Variants in RAB38 observed in about 807,000 individuals in gnomAD.
RAB38 encodes the protein RAB38, member RAS oncogene family.
In RAB38, 15 loss-of-function variants were observed where a neutral mutation model predicts 18.4. The ratio of observed to expected loss-of-function variants is 0.82; its 90% confidence interval spans 0.55 to 1.26. The LOEUF (loss-of-function observed/expected upper bound fraction) is 1.26. Ranked by LOEUF, RAB38 falls within the 50% of genes most tolerant of loss-of-function variation. RAB38 has a pLI of 0.00. For missense variants in RAB38, 294 were observed against 267.4 expected (o/e 1.10, Z -0.69); for synonymous variants, 101 against 104.4 (o/e 0.97, Z 0.20).
intron 1 of RAB38, among the ~76,000 whole-genome samples, chr11:88,155,780 G>A (rs991779574): frequency 3.3e-5 from 5 of 152,100 alleles, no homozygotes; most frequent in Non-Finnish European, 7.4e-5. Context: ...GAAAAGAAAC[G>A]TCTAAAGCAG....
chr11:88,038,680 C>G, the RAB38 span, among the ~76,000 whole-genome samples: 1 of 152,096 alleles, frequency 6.6e-6, no homozygotes, highest in Non-Finnish European at 1.5e-5. Context: ...TTCATACTAC[C>G]TTTCACCCAA....
At chr11:88,095,335 C>T in the RAB38 span, among the ~76,000 whole-genome samples, 1 of 151,842 alleles carries the variant, frequency 6.6e-6, no homozygotes, top group Non-Finnish European at 1.5e-5. Flanking sequence ...TACTGAAACT[C>T]TTCTGTCATA....
the RAB38 span, among the ~76,000 whole-genome samples, chr11:87,831,953 G>A: frequency 6.6e-6 from 1 of 152,288 alleles, no homozygotes; most frequent in African/African-American, 2.4e-5. Context: ...CCTGGAGGAT[G>A]TAATAGCTAT....
chr11:88,141,234 C>T (rs2134812635), intron 2 of RAB38, among the ~76,000 whole-genome samples: 1 of 152,202 alleles, frequency 6.6e-6, no homozygotes, highest in South Asian at 2.1e-4. Flanking sequence ...ATTGTGGTCT[C>T]AGTGGGGAGT....
intron 1 of RAB38, among the ~76,000 whole-genome samples, chr11:88,152,976 G>T (rs906168218): frequency 6.6e-6 from 1 of 152,220 alleles, no homozygotes; most frequent in Admixed American, 6.5e-5. Flanking sequence ...TAAACTCATA[G>T]CAGTGTAGAT....
the RAB38 span, among the ~76,000 whole-genome samples, chr11:87,950,715 C>T: frequency 6.6e-6 from 1 of 152,164 alleles, no homozygotes; most frequent in African/African-American, 2.4e-5. Flanking sequence ...ATATTGGCCC[C>T]CACTCTCTTC....
At chr11:87,927,762 T>C in the RAB38 span, among the ~76,000 whole-genome samples, 1 of 151,984 alleles carries the variant, frequency 6.6e-6, no homozygotes, top group Non-Finnish European at 1.5e-5. Flanking sequence ...ATCTGCAACA[T>C]AGGGATACTA....
chr11:88,109,530 T>C (rs1431856505), downstream of RAB38, among the ~76,000 whole-genome samples: 2 of 152,106 alleles, frequency 1.3e-5, no homozygotes, highest in Admixed American at 6.5e-5. Context: ...TGGGATCTAA[T>C]CAAACTAAAG....
chr11:87,815,454 A>T, the RAB38 span: 6 of 152,098 alleles, frequency 3.9e-5, no homozygotes, highest in Non-Finnish European at 8.8e-5. Context: ...TATTAAGAGG[A>T]GGAGGAGAAA....
the RAB38 span, among the ~76,000 whole-genome samples, chr11:88,034,724 G>C: frequency 6.6e-6 from 1 of 152,138 alleles, no homozygotes; most frequent in Non-Finnish European, 1.5e-5. Context: ...AGTTTCAAGA[G>C]TTCTTTGACC....
the RAB38 span, among the ~76,000 whole-genome samples, chr11:87,977,556 TTATA>T: frequency 8.5e-6 from 1 of 117,734 alleles, no homozygotes; most frequent in Non-Finnish European, 1.6e-5. Flanking sequence ...TATAATATAA[TTATA>T]TAATATACTT....
chr11:87,842,814 GCGCACACACACA>G, the RAB38 span, among the ~76,000 whole-genome samples: 5,062 of 76,186 alleles, frequency 0.066, 186 homozygotes, highest in African/African-American at 0.18. Context: ...ACACACGCGC[GCGCACACACACA>G]CACACACACA....
intron 1 of RAB38, among the ~76,000 whole-genome samples, chr11:88,161,982 C>T (rs552881512): frequency 6.6e-6 from 1 of 151,918 alleles, no homozygotes; most frequent in African/African-American, 2.4e-5. Flanking sequence ...ATATAATCAA[C>T]AGTAAATATG....
At chr11:88,044,365 G>A in the RAB38 span, among the ~76,000 whole-genome samples, 3 of 151,770 alleles carry the variant, frequency 2.0e-5, no homozygotes, top group Non-Finnish European at 2.9e-5. Flanking sequence ...CCTTCTCTCC[G>A]TGTCTCTACT....
At chr11:88,005,848 G>C in the RAB38 span, among the ~76,000 whole-genome samples, 1 of 151,388 alleles carries the variant, frequency 6.6e-6, no homozygotes, top group Non-Finnish European at 1.5e-5. Flanking sequence ...ATTGTTTATT[G>C]AGGAAACTGT....
the RAB38 span, among the ~76,000 whole-genome samples, chr11:87,939,265 G>T: frequency 6.6e-6 from 1 of 151,930 alleles, no homozygotes; most frequent in African/African-American, 2.4e-5. Flanking sequence ...AGAGTTATGG[G>T]TAGATAAAAT....
chr11:87,857,298 A>C, the RAB38 span, among the ~76,000 whole-genome samples: 2 of 152,174 alleles, frequency 1.3e-5, no homozygotes, highest in African/African-American at 4.8e-5. Context: ...AGTCTTTGCT[A>C]TTGTGAATAG....
the RAB38 span, among the ~76,000 whole-genome samples, chr11:87,954,307 C>A: frequency 6.6e-6 from 1 of 152,096 alleles, no homozygotes; most frequent in East Asian, 1.9e-4. Flanking sequence ...GGAACAACAG[C>A]CAGAACTTTG....
chr11:88,033,530 TAGAG>T, the RAB38 span, among the ~76,000 whole-genome samples: 2 of 152,284 alleles, frequency 1.3e-5, no homozygotes, highest in African/African-American at 4.8e-5. Context: ...TAAAAAGTAA[TAGAG>T]AGATCCTGTG....
Sources: allele counts gnomAD v4.1 joint callset (sites outside exome capture counted in the v4.1 genomes callset), GRCh38; gene constraint gnomAD v4.1.1; transcripts MANE v1.5; gene names NCBI Gene and HGNC (gene_info 2026-07-23, HGNC 2026-07-21).